INPP4B: variants seen among roughly 807,000 people sequenced by gnomAD.
INPP4B encodes inositol polyphosphate-4-phosphatase type II B.
Under a neutral mutation model 122.5 loss-of-function variants are expected in INPP4B, and 55 were observed. The ratio of observed to expected loss-of-function variants is 0.45; its 90% CI spans 0.36 to 0.56. INPP4B has a LOEUF of 0.56. Among genes scored for constraint, INPP4B ranks in the 20% least tolerant of loss-of-function variants. The probability of loss-of-function intolerance (pLI) is 0.00; values close to 1 mark genes in which losing one functional copy is unlikely to be tolerated. For synonymous variants in INPP4B, 403 were observed against 388.7 expected (o/e 1.04, Z -0.43); for missense variants, 1,000 against 1,097.7 (o/e 0.91, Z 1.26).
intron 2 of INPP4B, among the ~76,000 whole-genome samples, chr4:142,687,062 A>G (rs182830659): frequency 7.2e-4 from 110 of 152,186 alleles, no homozygotes; most frequent in African/African-American, 2.4e-3. Context: ...GGGAAGAAAC[A>G]AAGAGTTTCT....
intron 2 of INPP4B, among the ~76,000 whole-genome samples, chr4:142,712,035 G>A (rs375852151): frequency 1.1e-4 from 17 of 152,214 alleles, no homozygotes; most frequent in African/African-American, 4.1e-4. Context: ...GTGACAGAGT[G>A]AGACTCTGTC....
chr4:142,623,213 A>G (rs1745366250), intron 2 of INPP4B, among the ~76,000 whole-genome samples: 1 of 151,880 alleles, frequency 6.6e-6, no homozygotes, highest in African/African-American at 2.4e-5. Context: ...CTCCTATTGT[A>G]CCTGCTTCAA....
At chr4:142,266,365 T>G (rs1378583238) in intron 10 of INPP4B, among the ~76,000 whole-genome samples, 1 of 152,166 alleles carries the variant, frequency 6.6e-6, no homozygotes, top group African/African-American at 2.4e-5. Context: ...GTGGGATATA[T>G]TCCAAGGAGA....
intron 1 of INPP4B, among the ~76,000 whole-genome samples, chr4:142,842,238 A>C (rs1194171322): frequency 6.6e-6 from 1 of 151,750 alleles, no homozygotes; most frequent in African/African-American, 2.4e-5. Context: ...CCTAATACAG[A>C]AGATAGAATT....
chr4:142,062,730 C>T (rs187962609), intron 25 of INPP4B, among the ~76,000 whole-genome samples: 209 of 147,164 alleles, frequency 1.4e-3, no homozygotes, highest in African/African-American at 4.8e-3. Context: ...AGCAAGACTC[C>T]GTCCCCCCGC....
At chr4:142,094,229 G>A (rs1224175565) in intron 23 of INPP4B, among the ~76,000 whole-genome samples, 1 of 152,162 alleles carries the variant, frequency 6.6e-6, no homozygotes, top group Non-Finnish European at 1.5e-5. Flanking sequence ...GGAAACAGGA[G>A]TATGAGAAGG....
chr4:142,651,167 A>C (rs564694607), intron 2 of INPP4B, among the ~76,000 whole-genome samples: 2 of 152,344 alleles, frequency 1.3e-5, no homozygotes, highest in South Asian at 4.1e-4. Context: ...GTTATTTGAA[A>C]TCAATGAGAA....
At chr4:142,467,558 T>C (rs1391037811) in intron 2 of INPP4B, among the ~76,000 whole-genome samples, 1 of 151,816 alleles carries the variant, frequency 6.6e-6, no homozygotes, top group East Asian at 1.9e-4. Flanking sequence ...TTTTTGTTTT[T>C]TCAAATCTCA....
intron 25 of INPP4B, chr4:142,029,567 CAA>C: frequency 6.1e-6 from 6 of 985,556 alleles, no homozygotes; most frequent in Non-Finnish European, 7.2e-6. Context: ...TCAACCCAAA[CAA>C]GAGATACAAA....
rs1399239694 is a variant in INPP4B, at chr4:142,246,049, CAT to C, written c.689-8040_689-8039del. On this transcript the variant is annotated intron_variant, in intron 11 of 25. Transcript: ENST00000262992. Reference sequence around the variant, plus strand: ...GTACACACACGTGTGTGTATACACACATTATATATATGTGTGTGTGTATACAC... The same window carrying C: ...GTACACACACGTGTGTGTATACACACTATATATATGTGTGTGTGTATACAC... Among the ~76,000 whole-genome samples the C allele has an allele frequency of 2.6e-4, 19 of 72,938 alleles. 1 individual carries two copies. The highest frequency in any genetic ancestry group is 4.6e-4 in the Non-Finnish European group (15 of 32,706). 47.9% of individuals were successfully genotyped at this position (72,938 alleles called of 152,430 possible).
intron 1 of INPP4B, among the ~76,000 whole-genome samples, chr4:142,749,531 A>G (rs1197094434): frequency 6.6e-6 from 1 of 151,608 alleles, no homozygotes; most frequent in Non-Finnish European, 1.5e-5. Flanking sequence ...TTAAGAATCC[A>G]TTTTAAGACT....
Position 142,352,801 on chromosome 4 carries a change from C to T in INPP4B, c.373-38039G>A, listed in dbSNP as rs540138640. On this transcript the variant is annotated intron_variant, in intron 7 of 25. Transcript: ENST00000262992. ...TCATGGTAAATATTATAACAGCATC[C>T]GAATTGCCTGTACTTATTACTGAAT... 1.0e-3 allele frequency among the ~76,000 whole-genome samples: 153 copies of T among 151,962 alleles called. 1 individual carries two copies. Among genetic ancestry groups the T allele is most frequent in the African/African-American group, 3.6e-3 (149 of 41,478 alleles).
At chr4:142,255,474 C>G (rs376559431) in intron 11 of INPP4B, among the ~76,000 whole-genome samples, 5 of 152,144 alleles carry the variant, frequency 3.3e-5, no homozygotes, top group East Asian at 3.9e-4. Flanking sequence ...CACATGCAGA[C>G]ACACACATAG....
chr4:142,215,892 C>CAAAAAAAAAAAAAAAAAAAA (rs200657873), intron 12 of INPP4B, among the ~76,000 whole-genome samples: 1 of 54,574 alleles, frequency 1.8e-5, no homozygotes, highest in Non-Finnish European at 3.3e-5. Flanking sequence ...GACTCTGTCT[C>CAAAAAAAAAAAAAAAAAAAA]AAAAAAAAAA....
Position 142,836,719 on chromosome 4 carries a change from T to TACACACAC in INPP4B, c.-254+9482_-254+9489dup, listed in dbSNP as rs138777384. Among the ~76,000 whole-genome samples, 403 of 146,484 alleles carry TACACACAC rather than the reference T, an allele frequency of 2.8e-3. 1 individual carries two copies. The highest frequency in any genetic ancestry group is 8.3e-3 in the African/African-American group (329 of 39,870). On this transcript the variant is annotated intron_variant, in intron 1 of 25. Transcript: ENST00000262992. ...TTTAGGTAAATGAAAAAGTACTGTCTACACACACACACACACACACACACA... is the reference window on the plus strand; with the variant it reads ...TTTAGGTAAATGAAAAAGTACTGTCTACACACACACACACACACACACACACACACACA...
At chr4:142,320,366 A>G (rs1306728714) in intron 7 of INPP4B, among the ~76,000 whole-genome samples, 1 of 152,180 alleles carries the variant, frequency 6.6e-6, no homozygotes, top group East Asian at 1.9e-4. Flanking sequence ...GGGATGCTAC[A>G]CCATGGAGTG....
chr4:142,677,401 T>C (rs532492954), intron 2 of INPP4B, among the ~76,000 whole-genome samples: 3 of 152,228 alleles, frequency 2.0e-5, no homozygotes, highest in Admixed American at 6.5e-5. Flanking sequence ...GGTTGGAGTG[T>C]AAATTAGTTC....
chr4:142,824,227 C>G (rs1027233562), intron 1 of INPP4B, among the ~76,000 whole-genome samples: 3 of 152,112 alleles, frequency 2.0e-5, no homozygotes, highest in African/African-American at 7.2e-5. Flanking sequence ...TCTTGGCCTG[C>G]ATAATCATGT....
chr4:142,549,570 G>A (rs370427922), intron 2 of INPP4B, among the ~76,000 whole-genome samples: 1 of 152,152 alleles, frequency 6.6e-6, no homozygotes, highest in Non-Finnish European at 1.5e-5. Flanking sequence ...CAATGACTAA[G>A]ATGTCTTTAC....
Sources: gnomAD v4.1 joint callset for allele counts (sites outside exome capture counted in the v4.1 genomes callset) on GRCh38, gnomAD v4.1.1 for gene constraint, MANE v1.5 for transcripts, NCBI Gene and HGNC (gene_info 2026-07-23, HGNC 2026-07-21) for gene names.